CTNNA2: variants seen among roughly 807,000 people sequenced by gnomAD.
CTNNA2 encodes the protein catenin alpha-2.
In CTNNA2, 42 loss-of-function variants were observed where a neutral mutation model predicts 101.0. The observed-to-expected ratio is 0.42, with a 90% confidence interval of 0.32 to 0.54. CTNNA2 has a LOEUF of 0.54. CTNNA2 is among the 20% of genes least tolerant of loss of function. The pLI is 0.14. For synonymous variants in CTNNA2, 450 were observed against 456.4 expected, an observed-to-expected ratio of 0.99 and a Z score of 0.18; for missense variants, 871 against 1,223.1, an observed-to-expected ratio of 0.71 and a Z score of 4.29.
chr2:79,591,083 C>T (rs1473047507), intron 1 of CTNNA2, among the ~76,000 whole-genome samples: 3 of 151,986 alleles, frequency 2.0e-5, no homozygotes, highest in South Asian at 2.1e-4. Context: ...ATTCAAATGT[C>T]CAGGCTAAGA....
At chr2:80,519,610 T>A (rs576871832) in intron 9 of CTNNA2, among the ~76,000 whole-genome samples, 4 of 152,360 alleles carry the variant, frequency 2.6e-5, no homozygotes, top group Admixed American at 2.6e-4. Context: ...CAGAACTAAT[T>A]CCTTGACCTG....
Position 79,822,765 on chromosome 2 carries a change from C to T in CTNNA2, c.299-35248C>T, listed in dbSNP as rs1252248222. Among the ~76,000 whole-genome samples the T allele has an allele frequency of 2.6e-5, 4 of 152,156 alleles. No homozygotes were observed. In the South Asian group the frequency reaches 8.3e-4, roughly 31 times the overall value. On this transcript the variant is annotated intron_variant, in intron 3 of 18. Transcript: ENST00000402739. ...CCAAAGGGCTCTTCAAGACACACAC[C>T]TTATATCTGGCCTGCAGATTTAAAA...
At chr2:80,358,571 G>GAAC (rs1303904534) in intron 7 of CTNNA2, among the ~76,000 whole-genome samples, 1 of 151,886 alleles carries the variant, frequency 6.6e-6, no homozygotes, top group Non-Finnish European at 1.5e-5. Flanking sequence ...GGCTGGTTTT[G>GAAC]AACTCCTGAC....
At chr2:79,593,153 C>T (rs1676969355) in intron 1 of CTNNA2, among the ~76,000 whole-genome samples, 1 of 152,188 alleles carries the variant, frequency 6.6e-6, no homozygotes, top group South Asian at 2.1e-4. Flanking sequence ...TCTGTGAGAA[C>T]TCTCTCAAAT....
At chr2:80,091,907 T>C (rs1699815603) in intron 7 of CTNNA2, among the ~76,000 whole-genome samples, 1 of 152,116 alleles carries the variant, frequency 6.6e-6, no homozygotes, top group African/African-American at 2.4e-5. Flanking sequence ...TCCAAACTGT[T>C]GTTTTAAGTT....
intron 1 of CTNNA2, among the ~76,000 whole-genome samples, chr2:79,580,734 C>T (rs1257054072): frequency 1.3e-5 from 2 of 152,104 alleles, no homozygotes; most frequent in Non-Finnish European, 2.9e-5. Context: ...CTTAGTAAAA[C>T]TTTTTCTTAT....
At chr2:80,210,111 T>C (rs1374672274) in intron 7 of CTNNA2, among the ~76,000 whole-genome samples, 1 of 152,224 alleles carries the variant, frequency 6.6e-6, no homozygotes, top group East Asian at 1.9e-4. Context: ...TAAACACATC[T>C]TCTAATCAGT....
At chr2:80,167,554 T>C (rs2121306) in intron 7 of CTNNA2, among the ~76,000 whole-genome samples, 39,139 of 152,040 alleles carry the variant, frequency 0.26, 7,834 homozygotes, top group African/African-American at 0.55. Context: ...ACAGTGAAAA[T>C]ATGGAATTTG....
chr2:80,417,804 C>T (rs930619853), intron 8 of CTNNA2, among the ~76,000 whole-genome samples: 1 of 151,978 alleles, frequency 6.6e-6, no homozygotes, highest in East Asian at 1.9e-4. Context: ...GTTTCTTAAT[C>T]TAATTTTTCT....
At chr2:79,881,002 A>AT (rs2104115692) in intron 6 of CTNNA2, among the ~76,000 whole-genome samples, 1 of 152,086 alleles carries the variant, frequency 6.6e-6, no homozygotes, top group East Asian at 1.9e-4. Flanking sequence ...TGTCCCAGAG[A>AT]TTTTGGTATG....
At chr2:80,171,127 C>A (rs1357678425) in intron 7 of CTNNA2, among the ~76,000 whole-genome samples, 1 of 152,104 alleles carries the variant, frequency 6.6e-6, no homozygotes, top group Non-Finnish European at 1.5e-5. Context: ...TTTTGCAGGG[C>A]TGATATCTGT....
At chr2:79,981,008 A>T (rs1376817400) in intron 7 of CTNNA2, among the ~76,000 whole-genome samples, 2 of 151,870 alleles carry the variant, frequency 1.3e-5, no homozygotes, top group East Asian at 3.9e-4. Flanking sequence ...TTTGCTTGGT[A>T]TTAGAATTTG....
intron 4 of CTNNA2, among the ~76,000 whole-genome samples, chr2:79,491,141 T>C (rs1671204354): frequency 6.6e-6 from 1 of 152,230 alleles, no homozygotes; most frequent in Non-Finnish European, 1.5e-5. Context: ...CTGCCTACTC[T>C]GTACAGGTCT....
chr2:80,542,189 T>G (rs1189490067), intron 9 of CTNNA2, among the ~76,000 whole-genome samples: 1 of 152,048 alleles, frequency 6.6e-6, no homozygotes, highest in Middle Eastern at 3.2e-3. Context: ...CTAGTTAATA[T>G]TTAAATTTCC....
intron 4 of CTNNA2, among the ~76,000 whole-genome samples, chr2:79,392,930 T>A (rs1298456355): frequency 6.6e-6 from 1 of 152,196 alleles, no homozygotes; most frequent in Non-Finnish European, 1.5e-5. Flanking sequence ...GCTGAAATTA[T>A]CAACTCTGAA....
At chr2:80,179,224 A>G (rs1394338883) in intron 7 of CTNNA2, among the ~76,000 whole-genome samples, 1 of 152,238 alleles carries the variant, frequency 6.6e-6, no homozygotes, top group Non-Finnish European at 1.5e-5. Flanking sequence ...CATCTGGTAC[A>G]GCAGATGCAG....
intron 1 of CTNNA2, among the ~76,000 whole-genome samples, chr2:79,646,284 G>T (rs1340640839): frequency 6.6e-6 from 1 of 152,144 alleles, no homozygotes. Context: ...TTATCAGGAC[G>T]CTGTCCAAGG....
intron 2 of CTNNA2, among the ~76,000 whole-genome samples, chr2:79,286,251 T>C (rs535526801): frequency 1.3e-5 from 2 of 152,222 alleles, no homozygotes; most frequent in African/African-American, 4.8e-5. Context: ...TTAGTCCATT[T>C]ACATTTAAAG....
chr2:80,519,064 C>G (rs1274369368), intron 9 of CTNNA2, among the ~76,000 whole-genome samples: 1 of 151,982 alleles, frequency 6.6e-6, no homozygotes, highest in Admixed American at 6.6e-5. Context: ...AAATATGAAA[C>G]ACCTGGAGCT....
Sources: gnomAD v4.1 joint callset for allele counts (sites outside exome capture counted in the v4.1 genomes callset) on GRCh38, gnomAD v4.1.1 for gene constraint, MANE v1.5 for transcripts, NCBI Gene and HGNC (gene_info 2026-07-23, HGNC 2026-07-21) for gene names.